PPIP5K2: variants seen among roughly 807,000 people sequenced by gnomAD.
PPIP5K2 encodes inositol hexakisphosphate and diphosphoinositol-pentakisphosphate kinase 2.
Under a neutral mutation model 154.6 loss-of-function variants are expected in PPIP5K2, and 105 were observed. The ratio of observed to expected loss-of-function variants is 0.68; its 90% CI spans 0.58 to 0.80. PPIP5K2 has a LOEUF of 0.80. Among genes scored for constraint, PPIP5K2 ranks in the 30% least tolerant of loss-of-function variants. The pLI, the probability that PPIP5K2 is intolerant of heterozygous loss-of-function variation, is 0.00. For missense variants in PPIP5K2, 992 were observed against 1,504.6 expected, an observed-to-expected ratio of 0.66 and a Z score of 5.64; for synonymous variants, 480 against 490.3, an observed-to-expected ratio of 0.98 and a Z score of 0.28.
At chr5:103,172,898 A>G (rs1349258384) in intron 19 of PPIP5K2, among the ~76,000 whole-genome samples, 1 of 151,866 alleles carries the variant, frequency 6.6e-6, no homozygotes, top group Non-Finnish European at 1.5e-5. Context: ...AGTCATAAAA[A>G]TTACATTCAC....
chr5:103,187,428 A>G (rs1800567777), intron 28 of PPIP5K2, 52 bp downstream of exon 28: 1 of 1,343,696 alleles, frequency 7.4e-7, no homozygotes. Context: ...TCCCTTTTTT[A>G]TTTTTATTTT....
In PPIP5K2 at chr5:103,202,123, T is replaced by TCACAG. The variant is rs1554230786; in HGVS notation, c.*489_*490insCACAG. ...TAGATTAGAATATCTTTCCCAATTG[T>TCACAG]TACAGTGACATATATGCTGCAATAT... On this transcript the variant is annotated 3_prime_UTR_variant, in exon 31 of 31. Coordinates refer to ENST00000358359, the MANE Select transcript of PPIP5K2 (RefSeq NM_001276277.3). 11 of 153,062 alleles carry TCACAG rather than the reference T, an allele frequency of 7.2e-5. No homozygotes were observed. Among genetic ancestry groups the TCACAG allele is most frequent in the African/African-American group, 2.7e-4 (11 of 41,472 alleles). 9.5% of individuals were successfully genotyped at this position (153,062 alleles called of 1,614,324 possible). A position where few individuals can be genotyped will look rare whatever the true frequency, so the allele number is the denominator to read the frequency against.
At chr5:103,123,226 C>A (rs1789077175) in intron 1 of PPIP5K2, among the ~76,000 whole-genome samples, 1 of 152,152 alleles carries the variant, frequency 6.6e-6, no homozygotes, top group Non-Finnish European at 1.5e-5. Context: ...ATTGTCAAAA[C>A]AATATATGAG....
intron 29 of PPIP5K2, among the ~76,000 whole-genome samples, chr5:103,194,275 C>T (rs1801709509): frequency 6.6e-6 from 1 of 151,926 alleles, no homozygotes; most frequent in Non-Finnish European, 1.5e-5. Context: ...TCAAGCAGTC[C>T]TTCTGCCTCA....
At position 103,167,085 on chromosome 5, in the gene PPIP5K2, T is replaced by C. The variant is rs574465837; in HGVS notation, c.1921-94T>C. 9.8e-5 allele frequency: 95 copies of C among 967,938 alleles called. No homozygotes were observed. The East Asian group carries it at 2.0e-3, about 21-fold the overall frequency. 60.0% of individuals were successfully genotyped at this position (967,938 alleles called of 1,614,324 possible). ...CATTTTAATTTCTGCTATGGAATTATTCTCCAGCTACTGGAAAATTTTGTA... is the reference window on the plus strand; with the variant it reads ...CATTTTAATTTCTGCTATGGAATTACTCTCCAGCTACTGGAAAATTTTGTA... On this transcript the variant is annotated intron_variant, in intron 17 of 30. Transcript: ENST00000358359.
chr5:103,162,354 T>TG (rs1406934081), intron 17 of PPIP5K2, among the ~76,000 whole-genome samples: 2 of 151,510 alleles, frequency 1.3e-5, no homozygotes, highest in African/African-American at 2.4e-5. Context: ...TGTTTTCTTT[T>TG]TTTTTTTTTT....
At position 103,120,311 on chromosome 5, in the gene PPIP5K2, G is replaced by A. The variant is rs1788427408; in HGVS notation, c.-462G>A. 3 of 415,896 alleles carry A rather than the reference G, an allele frequency of 7.2e-6. No individual in the cohort carries two copies. 25.8% of individuals were successfully genotyped at this position (415,896 alleles called of 1,614,324 possible). On this transcript the variant is annotated 5_prime_UTR_variant, in exon 1 of 31. Coordinates refer to ENST00000358359, the MANE Select transcript of PPIP5K2 (RefSeq NM_001276277.3). ...GGAGATTCCTGAGGTGTAGTAGCCT[G>A]AGGTTCCCTTATGTGGCCCTATAGC... is the stretch of plus-strand genomic sequence containing the variant.
chr5:103,194,629 A>G (rs1251348466), intron 29 of PPIP5K2, among the ~76,000 whole-genome samples: 1 of 152,182 alleles, frequency 6.6e-6, no homozygotes, highest in Non-Finnish European at 1.5e-5. Context: ...TAAGGAAAGG[A>G]TAAAGTCTGT....
chr5:103,142,801 T>G (rs1223182228), intron 5 of PPIP5K2, among the ~76,000 whole-genome samples: 1 of 147,900 alleles, frequency 6.8e-6, no homozygotes, highest in Non-Finnish European at 1.5e-5. Context: ...ATTCAAGAAA[T>G]CATCTGAATG....
intron 1 of PPIP5K2, among the ~76,000 whole-genome samples, chr5:103,127,563 A>G (rs1789898239): frequency 1.3e-5 from 2 of 152,214 alleles, no homozygotes; most frequent in African/African-American, 4.8e-5. Context: ...TTTTAGATTT[A>G]CATGTTAGAG....
intron 3 of PPIP5K2, among the ~76,000 whole-genome samples, chr5:103,135,782 G>C (rs1791381201): frequency 6.6e-6 from 1 of 151,982 alleles, no homozygotes; most frequent in African/African-American, 2.4e-5. Flanking sequence ...TAGATTTTGG[G>C]GGAGGGGACC....
Position 103,142,551 on chromosome 5 carries a change from G to C in PPIP5K2, c.488-3976G>C, listed in dbSNP as rs539155401. Among the ~76,000 whole-genome samples, 5 of 152,192 alleles carry C rather than the reference G, an allele frequency of 3.3e-5. No homozygotes were observed. In the East Asian group the frequency reaches 5.8e-4, roughly 18 times the overall value. On this transcript the variant is annotated intron_variant, in intron 5 of 30. Coordinates refer to ENST00000358359, the MANE Select transcript of PPIP5K2 (RefSeq NM_001276277.3). ...AAGTGGAAGCCCAGGCAGAGGAGGC[G>C]CCAAGAGCGAGCGAGGGCTGTGAGG...
chr5:103,167,438 A>C, intron 18 of PPIP5K2, 118 bp downstream of exon 18: 1 of 844,588 alleles, frequency 1.2e-6, no homozygotes, highest in South Asian at 2.8e-5. Flanking sequence ...AGCTATGTAT[A>C]GTATGAGTTA....
At chr5:103,123,894 ATATGTATAAACTG>A (rs1418408159) in intron 1 of PPIP5K2, among the ~76,000 whole-genome samples, 2 of 152,236 alleles carry the variant, frequency 1.3e-5, no homozygotes, top group Non-Finnish European at 2.9e-5. Flanking sequence ...TGGAAGTGCT[ATATGTATAAACTG>A]TACTTCGTTC....
intron 3 of PPIP5K2, chr5:103,135,933 A>G (rs1290028464): frequency 2.1e-5 from 3 of 146,244 alleles, no homozygotes; most frequent in Non-Finnish European, 4.5e-5. Flanking sequence ...TTTTGAGCAT[A>G]TATGTCATAT....
chr5:103,130,002 G>C (rs1331658588), intron 2 of PPIP5K2, among the ~76,000 whole-genome samples: 1 of 152,126 alleles, frequency 6.6e-6, no homozygotes, highest in Admixed American at 6.6e-5. Context: ...AAGCTTTCTT[G>C]TATGTAGAAA....
At chr5:103,193,333 A>T (rs1554227465) in intron 29 of PPIP5K2, among the ~76,000 whole-genome samples, 1 of 152,040 alleles carries the variant, frequency 6.6e-6, no homozygotes, top group East Asian at 1.9e-4. Flanking sequence ...TAGTTCCCTG[A>T]GTTATCAAGC....
At chr5:103,151,457 G>T in intron 9 of PPIP5K2, 83 bp downstream of exon 9, 1 of 1,156,580 alleles carries the variant, frequency 8.6e-7, no homozygotes, top group Middle Eastern at 3.0e-4. Context: ...AATGATCAGG[G>T]TTTTTAAGCA....
At position 103,206,457 on chromosome 5, in the gene PPIP5K2, A is replaced by G. The variant is rs1474896937; in HGVS notation, c.*4823A>G. ...TGATCATCTACTCACCCCTAGATAA[A>G]TAGAATACTCCAGGAGATTCCCATG... On this transcript the variant is annotated 3_prime_UTR_variant, in exon 31 of 31. Coordinates refer to ENST00000358359, the MANE Select transcript of PPIP5K2 (RefSeq NM_001276277.3). The G allele has an allele frequency of 6.6e-6, 1 of 152,198 alleles. No individual in the cohort carries two copies. The highest frequency in any genetic ancestry group is 2.4e-5 in the African/African-American group (1 of 41,450). The allele number at this position is 152,198 out of a possible 1,614,324, so 9.4% of individuals were successfully genotyped here.
Sources: allele counts gnomAD v4.1 joint callset (sites outside exome capture counted in the v4.1 genomes callset), GRCh38; gene constraint gnomAD v4.1.1; transcripts MANE v1.5; gene names NCBI Gene and HGNC (gene_info 2026-07-23, HGNC 2026-07-21).